Variants in CDC20 observed in about 807,000 individuals in gnomAD.
The protein encoded by CDC20 is cell division cycle protein 20 homolog.
A neutral mutation model predicts 60.0 loss-of-function variants in CDC20; 34 were observed. The observed-to-expected ratio is 0.57, with a 90% CI of 0.43 to 0.75. The LOEUF is 0.75. Among genes scored for constraint, CDC20 ranks in the 30% least tolerant of loss-of-function variants. CDC20 has a pLI of 0.00. For missense variants in CDC20, 469 were observed against 647.3 expected (o/e 0.72, Z 2.99); for synonymous variants, 198 against 243.5 (o/e 0.81, Z 1.74).
rs771036544 is a variant in CDC20 at position 43,360,099 on chromosome 1, T to C, written c.556+2T>C. ...CGCCTGAAATCCGAAATGACTATTG[T>C]AAGTGCATCCTTATCCTCGCCTCAT... On this transcript the variant is annotated splice_donor_variant, in intron 5 of 10. Transcript: ENST00000310955. LOFTEE classifies it high-confidence loss of function. 22 of 1,614,126 alleles carry C rather than the reference T, an allele frequency of 1.4e-5. No homozygotes were observed. The highest frequency in any genetic ancestry group is 1.4e-5 in the Non-Finnish European group (16 of 1,180,058).
At chr1:43,362,112 G>A in intron 9 of CDC20, 83 bp from the exon 10 acceptor site, 1 of 757,382 alleles carries the variant, frequency 1.3e-6, no homozygotes, top group South Asian at 1.6e-5. Flanking sequence ...GCATGTGGCA[G>A]GGTGCCTAAC....
intron 9 of CDC20, 33 bp from the exon 10 acceptor site, chr1:43,362,162 A>G (rs372058967): frequency 2.3e-6 from 3 of 1,290,872 alleles, no homozygotes; most frequent in African/African-American, 2.9e-5. Context: ...AGCCTTGGCT[A>G]TATGTCATGC....
At chr1:43,361,342 C>T (rs764857396) in intron 9 of CDC20, 97 bp downstream of exon 9, 41 of 1,231,840 alleles carry the variant, frequency 3.3e-5, no homozygotes, top group Middle Eastern at 1.9e-4. Flanking sequence ...CTGGTGATTC[C>T]CAAACTTCTA....
chr1:43,362,913 G>GC, intron 10 of CDC20, 38 bp from the exon 11 acceptor site: 1 of 1,475,556 alleles, frequency 6.8e-7, no homozygotes, highest in Non-Finnish European at 9.1e-7. Flanking sequence ...GGCTATGGCT[G>GC]CATCAGCATT....
Position 43,363,173 on chromosome 1 carries a change from G to A in CDC20, c.*44G>A. 6.5e-7 allele frequency: 1 copy of A among 1,544,772 alleles called. No individual in the cohort carries two copies. Among genetic ancestry groups the A allele is most frequent in the African/African-American group, 1.4e-5 (1 of 72,506 alleles). On this transcript the variant is annotated 3_prime_UTR_variant, in exon 11 of 11. Transcript: ENST00000310955. ...AGTTGTTTTTTATTTTTCTAATAAAGTCATGTCTCCCTTCATGTTTTTTTT... is the reference window on the plus strand; with the variant it reads ...AGTTGTTTTTTATTTTTCTAATAAAATCATGTCTCCCTTCATGTTTTTTTT...
At chr1:43,361,900 A>G (rs952181442) in intron 9 of CDC20, among the ~76,000 whole-genome samples, 3 of 152,248 alleles carry the variant, frequency 2.0e-5, no homozygotes, top group African/African-American at 7.2e-5. Flanking sequence ...TCATCTACTA[A>G]ACTTGAATGT....
At position 43,361,131 on chromosome 1, in the gene CDC20, G is replaced by T. The variant is rs1412642638; in HGVS notation, c.1089G>T (p.Trp363Cys). Residue 363 changes from tryptophan (W) to cysteine (C), a missense_variant, in exon 9 of 11, where the codon TGG (tryptophan) becomes TGT (cysteine). Trp to Cys is a radical substitution (Grantham distance 215). This residue lies in a region of CDC20 where 255 missense variants were observed against 326.7 expected (regional missense o/e 0.78). Coordinates refer to ENST00000310955, the MANE Select transcript of CDC20 (RefSeq NM_001255.3). The stretch of plus-strand genomic sequence containing the variant: ...TTTATTCCATCTAGGCCGTAGCATG[G>T]TGTCCCTGGCAGTCCAATGTCCTGG... ...QHQGAVKAVA[W>C]CPWQSNVLAT... 6.2e-7 allele frequency: 1 copy of T among 1,613,948 alleles called. No homozygotes were observed. The highest frequency in any genetic ancestry group is 8.5e-7 in the Non-Finnish European group (1 of 1,180,018).
At position 43,360,084 on chromosome 1, in the gene CDC20, C is replaced by A; in HGVS notation, c.543C>A (p.Ile181=). 1 of 1,614,220 alleles carries A rather than the reference C, an allele frequency of 6.2e-7. No homozygotes were observed. ...LPDRILDAPE[I]RNDYYLNLVD... is the part of the protein sequence containing the mutation. The stretch of plus-strand genomic sequence containing the variant: ...ACCGTATCCTGGATGCGCCTGAAAT[C>A]CGAAATGACTATTGTAAGTGCATCC... Residue 181 remains isoleucine (I), a synonymous_variant, in exon 5 of 11, where the codon ATC becomes ATA. Coordinates refer to ENST00000310955, the MANE Select transcript of CDC20 (RefSeq NM_001255.3).
chr1:43,361,344 A>G, intron 9 of CDC20, 99 bp downstream of exon 9: 1 of 1,222,736 alleles, frequency 8.2e-7, no homozygotes, highest in Non-Finnish European at 1.1e-6. Context: ...GGTGATTCCC[A>G]AACTTCTAAC....
rs755109406 is a variant in CDC20, at chr1:43,360,090, T to A, written c.549T>A (p.Asn183Lys). The A allele has an allele frequency of 6.2e-7, 1 of 1,614,224 alleles. No individual in the cohort carries two copies. The highest frequency in any genetic ancestry group is 8.5e-7 in the Non-Finnish European group (1 of 1,180,040). The change falls in exon 5 of 11, where the codon AAT becomes AAA. Residue 183 changes from asparagine to lysine, a missense_variant. Asn to Lys is a moderately conservative substitution (Grantham distance 94). This residue lies in a region of CDC20 where 255 missense variants were observed against 326.7 expected (regional missense o/e 0.78). Coordinates refer to ENST00000310955, the MANE Select transcript of CDC20 (RefSeq NM_001255.3). The part of the protein sequence containing the change: ...DRILDAPEIR[N>K]DYYLNLVDWS... ...TCCTGGATGCGCCTGAAATCCGAAA[T>A]GACTATTGTAAGTGCATCCTTATCC...
chr1:43,361,228 G>C lies in CDC20; in HGVS notation c.1186G>C (p.Val396Leu), dbSNP rs376655758. 6.2e-7 allele frequency: 1 copy of C among 1,607,158 alleles called. No homozygotes were observed. The highest frequency in any genetic ancestry group is 8.5e-7 in the Non-Finnish European group (1 of 1,176,484). ...GTGCTCTGGGGCCTGTCTGAGTGCC[G>C]TGGATGCCCATTCCCAGGTAATCTT... ...NVCSGACLSA[V>L]DAHSQVCSIL... Residue 396 changes from valine (V) to leucine (L), a missense_variant, in exon 9 of 11, where the codon GTG (valine) becomes CTG (leucine). Val to Leu is a conservative substitution (Grantham distance 32, BLOSUM62 1). Around this residue, in one of 5 missense-constraint regions of CDC20, gnomAD observed 255 missense variants for 326.7 expected, o/e 0.78. Transcript: ENST00000310955.
At chr1:43,362,858 C>CA (rs546510861) in intron 10 of CDC20, 93 bp from the exon 11 acceptor site, 278 of 938,596 alleles carry the variant, frequency 3.0e-4, no homozygotes, top group Middle Eastern at 6.8e-4. Flanking sequence ...GAGCAAGTCT[C>CA]AAAAAAAACA....
chr1:43,360,598 G>A lies in CDC20; in HGVS notation c.848+5G>A. The A allele has an allele frequency of 6.2e-7, 1 of 1,612,630 alleles. No individual in the cohort carries two copies. The highest frequency in any genetic ancestry group is 1.1e-5 in the South Asian group (1 of 91,064). On this transcript the variant is annotated splice_donor_5th_base_variant and intron_variant, in intron 7 of 10. Coordinates refer to ENST00000310955, the MANE Select transcript of CDC20 (RefSeq NM_001255.3). Reference sequence around the variant, plus strand: ...GAACAGCTATATCCTGTCCAGGTCAGTGGTTTTTGTTGGTCTATGGTAGTC... The same window carrying A: ...GAACAGCTATATCCTGTCCAGGTCAATGGTTTTTGTTGGTCTATGGTAGTC...
intron 6 of CDC20, 54 bp from the exon 7 acceptor site, chr1:43,360,445 G>C: frequency 6.2e-7 from 1 of 1,608,748 alleles, no homozygotes; most frequent in Non-Finnish European, 8.5e-7. Context: ...TGCACAGCTG[G>C]AGGATATTAA....
At position 43,360,221 on chromosome 1, in the gene CDC20, G is replaced by A; in HGVS notation, c.585G>A (p.Gly195=). The change falls in exon 6 of 11, where the codon GGG becomes GGA. Residue 195 remains glycine, a synonymous_variant. Transcript: ENST00000310955. ...YYLNLVDWSS[G]NVLAVALDNS... ...TGAACCTTGTGGATTGGAGTTCTGG[G>A]AATGTACTGGCCGTGGCACTGGACA... 2 of 1,614,218 alleles carry A rather than the reference G, an allele frequency of 1.2e-6. No individual in the cohort carries two copies. Among genetic ancestry groups the A allele is most frequent in the South Asian group, 1.1e-5 (1 of 91,080 alleles).
At chr1:43,361,267 C>T in intron 9 of CDC20, 22 bp downstream of exon 9, 1 of 1,563,084 alleles carries the variant, frequency 6.4e-7, no homozygotes, top group South Asian at 1.2e-5. Context: ...CCTGTTCCTG[C>T]CTCTCCCACA....
chr1:43,362,405 A>G, intron 10 of CDC20, 93 bp downstream of exon 10: 1 of 655,390 alleles, frequency 1.5e-6, no homozygotes, highest in Non-Finnish European at 2.8e-6. Flanking sequence ...AAACACATTA[A>G]TGGTTGCCAG....
At chr1:43,360,683 C>A (rs778487020) in intron 7 of CDC20, 50 bp from the exon 8 acceptor site, 1 of 1,584,506 alleles carries the variant, frequency 6.3e-7, no homozygotes, top group Non-Finnish European at 8.7e-7. Flanking sequence ...CTCTGGCTTG[C>A]TTGCATTTGG....
chr1:43,360,620 A>G, intron 7 of CDC20, 27 bp downstream of exon 7: 1 of 1,598,282 alleles, frequency 6.3e-7, no homozygotes, highest in Non-Finnish European at 8.6e-7. Flanking sequence ...GGTCTATGGT[A>G]GTCTGATATT....
Sources: allele counts gnomAD v4.1 joint callset (sites outside exome capture counted in the v4.1 genomes callset), GRCh38; gene constraint gnomAD v4.1.1; regional missense constraint gnomAD v4.1.1; transcripts MANE v1.5; gene names NCBI Gene and HGNC (gene_info 2026-07-23, HGNC 2026-07-21).